Variants in AKAP13 observed in about 807,000 individuals in gnomAD.
AKAP13 encodes the protein A-kinase anchor protein 13.
A neutral mutation model predicts 264.5 loss-of-function variants in AKAP13; 80 were observed. That is an observed-to-expected ratio of 0.30 (90% CI 0.25 to 0.36). The LOEUF is 0.36. AKAP13 is among the 10% of genes least tolerant of loss of function. AKAP13 has a pLI of 1.00. For missense variants in AKAP13, 3,712 were observed against 3,435.2 expected (o/e 1.08, Z -2.01); for synonymous variants, 1,380 against 1,250.2 (o/e 1.10, Z -2.19).
At chr15:85,438,344 C>T (rs962118528) in intron 1 of AKAP13, among the ~76,000 whole-genome samples, 1,973 of 149,708 alleles carry the variant, frequency 0.013, 48 homozygotes, top group African/African-American at 0.047. Flanking sequence ...AAGAACATTC[C>T]ATGCTCATGG....
intron 4 of AKAP13, among the ~76,000 whole-genome samples, chr15:85,537,692 T>C (rs963377490): frequency 1.3e-5 from 2 of 152,256 alleles, no homozygotes; most frequent in Non-Finnish European, 2.9e-5. Context: ...TCAGTTTGTT[T>C]GCATCCTGGC....
At chr15:85,447,031 G>T (rs1433508376) in intron 1 of AKAP13, among the ~76,000 whole-genome samples, 1 of 152,150 alleles carries the variant, frequency 6.6e-6, no homozygotes, top group Non-Finnish European at 1.5e-5. Flanking sequence ...CACTTTGGGA[G>T]GCCGAGGCCA....
intron 30 of AKAP13, among the ~76,000 whole-genome samples, chr15:85,734,584 A>G (rs779818852): frequency 2.0e-5 from 3 of 152,102 alleles, no homozygotes; most frequent in Non-Finnish European, 4.4e-5. Flanking sequence ...TTCTTAGACT[A>G]CTCTAGCCCC....
chr15:85,437,673 A>C (rs1175300586), intron 1 of AKAP13, among the ~76,000 whole-genome samples: 4 of 152,232 alleles, frequency 2.6e-5, no homozygotes, highest in Admixed American at 1.3e-4. Flanking sequence ...ATATACGCAA[A>C]TCAATAAATG....
chr15:85,744,668 C>A lies in AKAP13; in HGVS notation c.8433C>A (p.Ile2811=). The A allele has an allele frequency of 6.2e-7, 1 of 1,609,168 alleles. No homozygotes were observed. The highest frequency in any genetic ancestry group is 1.1e-5 in the South Asian group (1 of 90,300). The change falls in exon 37 of 37, where the codon ATC becomes ATA. Residue 2811 remains isoleucine (I), a synonymous_variant. Coordinates refer to ENST00000394518, the MANE Select transcript of AKAP13 (RefSeq NM_007200.5). The part of the protein sequence containing the change: ...ASEVSAEGEE[I]FC ...AAGTATCAGCAGAGGGTGAAGAGAT[C>A]TTCTGCTGACCCTCTTCCTCTCTGC...
At chr15:85,703,548 A>G (rs1290221138) in intron 17 of AKAP13, among the ~76,000 whole-genome samples, 2 of 152,136 alleles carry the variant, frequency 1.3e-5, no homozygotes, top group Non-Finnish European at 2.9e-5. Context: ...TCCCCCAAAG[A>G]TTTTATTTAT....
chr15:85,389,267 C>T (rs2070738178), intron 1 of AKAP13, among the ~76,000 whole-genome samples: 1 of 152,184 alleles, frequency 6.6e-6, no homozygotes, highest in Admixed American at 6.5e-5. Context: ...AACTCCTTAG[C>T]CTTCCCAAGC....
At chr15:85,633,201 G>A (rs2081924491) in intron 8 of AKAP13, among the ~76,000 whole-genome samples, 1 of 152,092 alleles carries the variant, frequency 6.6e-6, no homozygotes, top group Non-Finnish European at 1.5e-5. Context: ...TAAACTGTTG[G>A]CCCCTTGTTG....
At chr15:85,496,676 A>G (rs1331008740) in intron 2 of AKAP13, among the ~76,000 whole-genome samples, 1 of 152,164 alleles carries the variant, frequency 6.6e-6, no homozygotes, top group Non-Finnish European at 1.5e-5. Context: ...TGTGCTTCTC[A>G]CTTGGCTGTT....
Position 85,533,888 on chromosome 15 carries a change from T to C in AKAP13, c.478+8T>C. ...CAGATCAGAGTTTGCATGGTGAGAA[T>C]TTATATGATCTACAAACACACTTTA... On this transcript the variant is annotated splice_region_variant and intron_variant, in intron 4 of 36. Coordinates refer to ENST00000394518, the MANE Select transcript of AKAP13 (RefSeq NM_007200.5). 6.4e-7 allele frequency: 1 copy of C among 1,554,786 alleles called. No individual in the cohort carries two copies. The highest frequency in any genetic ancestry group is 8.7e-7 in the Non-Finnish European group (1 of 1,151,676).
At chr15:85,562,912 C>T (rs532186459) in intron 5 of AKAP13, among the ~76,000 whole-genome samples, 1 of 149,164 alleles carries the variant, frequency 6.7e-6, no homozygotes, top group East Asian at 2.0e-4. Flanking sequence ...TAGGGTTTCA[C>T]CATATTGGCC....
intron 25 of AKAP13, 131 bp from the exon 26 acceptor site, chr15:85,722,941 A>T: frequency 8.2e-7 from 1 of 1,215,786 alleles, no homozygotes; most frequent in Non-Finnish European, 1.1e-6. Flanking sequence ...ATGATCTCTG[A>T]CGTGTTGGCT....
At chr15:85,616,634 G>T (rs1158732593) in intron 8 of AKAP13, among the ~76,000 whole-genome samples, 1 of 152,140 alleles carries the variant, frequency 6.6e-6, no homozygotes, top group East Asian at 1.9e-4. Flanking sequence ...TAAAAGAAAA[G>T]GGAAATAAAC....
chr15:85,635,613 T>G (rs373805449), intron 8 of AKAP13, among the ~76,000 whole-genome samples: 47 of 152,292 alleles, frequency 3.1e-4, no homozygotes, highest in African/African-American at 1.1e-3. Context: ...ATGTACTATT[T>G]AAGAAATCTT....
chr15:85,552,135 A>G (rs1470220381), intron 5 of AKAP13, among the ~76,000 whole-genome samples: 3 of 152,246 alleles, frequency 2.0e-5, no homozygotes, highest in African/African-American at 2.4e-5. Context: ...AAAAAATACA[A>G]CCAATCCTAT....
At chr15:85,540,564 G>A (rs1297151723) in intron 4 of AKAP13, among the ~76,000 whole-genome samples, 1 of 152,194 alleles carries the variant, frequency 6.6e-6, no homozygotes, top group East Asian at 1.9e-4. Context: ...ATGAAGTTGA[G>A]TAACTCAGAT....
intron 26 of AKAP13, among the ~76,000 whole-genome samples, chr15:85,723,690 G>A (rs1298680475): frequency 1.3e-5 from 2 of 152,188 alleles, no homozygotes; most frequent in Non-Finnish European, 2.9e-5. Context: ...AAACTCACAA[G>A]GAGGGAGACA....
At chr15:85,461,072 C>T (rs2150999844) in intron 1 of AKAP13, among the ~76,000 whole-genome samples, 1 of 151,778 alleles carries the variant, frequency 6.6e-6, no homozygotes, top group South Asian at 2.1e-4. Flanking sequence ...TCTTATTTTT[C>T]ACTAGATATT....
intron 1 of AKAP13, among the ~76,000 whole-genome samples, chr15:85,458,440 A>ATT (rs2074375303): frequency 9.7e-6 from 1 of 103,344 alleles, no homozygotes; most frequent in Admixed American, 1.1e-4. Flanking sequence ...ACACATCTGT[A>ATT]TTTTAGTTAT....
Sources: allele counts gnomAD v4.1 joint callset (sites outside exome capture counted in the v4.1 genomes callset), GRCh38; gene constraint gnomAD v4.1.1; transcripts MANE v1.5; gene names NCBI Gene and HGNC (gene_info 2026-07-23, HGNC 2026-07-21).